ADAMTSL3: variants seen among roughly 807,000 people sequenced by gnomAD.
ADAMTSL3 encodes ADAMTS-like protein 3.
In ADAMTSL3, 128 loss-of-function variants were observed where a neutral mutation model predicts 201.7. That is an observed-to-expected ratio of 0.63 (90% confidence interval 0.55 to 0.73). The LOEUF is 0.73. Ranked by LOEUF, ADAMTSL3 falls within the 30% of genes least tolerant of loss-of-function variation. ADAMTSL3 has a pLI of 0.00. For missense variants in ADAMTSL3, 1,990 were observed against 2,119.6 expected (o/e 0.94, Z 1.20); for synonymous variants, 738 against 748.4 (o/e 0.99, Z 0.23).
intron 2 of ADAMTSL3, among the ~76,000 whole-genome samples, chr15:83,672,426 T>G (rs2061340537): frequency 6.6e-6 from 1 of 152,190 alleles, no homozygotes; most frequent in Non-Finnish European, 1.5e-5. Flanking sequence ...GCAGGGCCTG[T>G]GAAGAGGCTC....
At chr15:83,991,624 T>C (rs2141836448) in intron 23 of ADAMTSL3, among the ~76,000 whole-genome samples, 1 of 152,342 alleles carries the variant, frequency 6.6e-6, no homozygotes, top group East Asian at 1.9e-4. Context: ...AGACAAAAGC[T>C]ACACTTGGCA....
Position 83,982,548 on chromosome 15 carries a change from GC to G in ADAMTSL3, c.2925del (p.Asp976ThrfsTer37), listed in dbSNP as rs2067403223. 6.2e-7 allele frequency: 1 copy of G among 1,614,072 alleles called. No individual in the cohort carries two copies. The highest frequency in any genetic ancestry group is 1.3e-5 in the African/African-American group (1 of 74,922). ...SGSLKIHGLA[A>X]PDIGVYRCIA... is the part of the protein sequence containing the mutation. ...CTCACTAAAAATCCATGGTCTTGCTGCCCCCGACATCGGCGTGTACCGGTGC... is the reference window on the plus strand; with the variant it reads ...CTCACTAAAAATCCATGGTCTTGCTGCCCCGACATCGGCGTGTACCGGTGC... On this transcript the variant is annotated frameshift_variant, in exon 21 of 30. Coordinates refer to ENST00000286744, the MANE Select transcript of ADAMTSL3 (RefSeq NM_207517.3). LOFTEE classifies it high-confidence loss of function.
At chr15:83,749,312 C>T (rs1011202470) in intron 3 of ADAMTSL3, among the ~76,000 whole-genome samples, 12 of 152,070 alleles carry the variant, frequency 7.9e-5, no homozygotes, top group Non-Finnish European at 1.8e-4. Context: ...GAGATGCCTT[C>T]CTGCAACTAA....
chr15:84,001,896 A>G (rs2067797417), intron 23 of ADAMTSL3, among the ~76,000 whole-genome samples: 1 of 152,196 alleles, frequency 6.6e-6, no homozygotes, highest in African/African-American at 2.4e-5. Flanking sequence ...CAGCAGTGGG[A>G]AAGAATGTGG....
At chr15:83,824,285 G>C (rs375935724) in intron 6 of ADAMTSL3, among the ~76,000 whole-genome samples, 1 of 151,896 alleles carries the variant, frequency 6.6e-6, no homozygotes, top group Non-Finnish European at 1.5e-5. Context: ...CAAAATACTG[G>C]CATTACAGGC....
At chr15:83,852,349 A>G (rs1196598964) in intron 7 of ADAMTSL3, among the ~76,000 whole-genome samples, 1 of 151,966 alleles carries the variant, frequency 6.6e-6, no homozygotes, top group Non-Finnish European at 1.5e-5. Context: ...CCTGACCTCA[A>G]GTGATCCACC....
rs774426794 is a variant in ADAMTSL3 at position 83,773,607 on chromosome 15, G to T, written c.274G>T (p.Gly92Trp). 1.2e-5 allele frequency: 20 copies of T among 1,612,586 alleles called. No homozygotes were observed. The highest frequency in any genetic ancestry group is 1.5e-5 in the Non-Finnish European group (18 of 1,179,690). The change falls in exon 4 of 30, where the codon GGG (glycine) becomes TGG (tryptophan). Residue 92 changes from glycine (G) to tryptophan (W), a missense_variant. Gly to Trp is a radical substitution (Grantham distance 184, BLOSUM62 -2). Transcript: ENST00000286744. ...CTGGAGTGACTGCTCCCGGACCTGT[G>T]GGGGAGGAGCATCATATTCTCTGCG... ...GDWSDCSRTCGGGASYSLRRC... is the reference protein window; with the variant it reads ...GDWSDCSRTCWGGASYSLRRC...
At chr15:83,997,432 A>G (rs1411591887) in intron 23 of ADAMTSL3, among the ~76,000 whole-genome samples, 2 of 152,146 alleles carry the variant, frequency 1.3e-5, no homozygotes, top group African/African-American at 4.8e-5. Context: ...TACTAAAAAT[A>G]CAAAAAATTA....
chr15:83,858,849 A>T lies in ADAMTSL3; in HGVS notation c.802+9A>T. 2.5e-6 allele frequency: 4 copies of T among 1,592,258 alleles called. No individual in the cohort carries two copies. The highest frequency in any genetic ancestry group is 2.6e-6 in the Non-Finnish European group (3 of 1,169,474). ...AGGACCTGCCCACCTCTGTAAGTAG[A>T]ATTTAATCTTAACATTTTTTAATAT... On this transcript the variant is annotated intron_variant, in intron 8 of 29. Coordinates refer to ENST00000286744, the MANE Select transcript of ADAMTSL3 (RefSeq NM_207517.3).
chr15:83,922,779 C>G (rs1265882678), intron 16 of ADAMTSL3, among the ~76,000 whole-genome samples: 1 of 152,062 alleles, frequency 6.6e-6, no homozygotes, highest in Non-Finnish European at 1.5e-5. Flanking sequence ...AATACTACAT[C>G]CTGTAAAATA....
chr15:83,976,974 G>C (rs1173451162), intron 20 of ADAMTSL3, among the ~76,000 whole-genome samples: 1 of 152,088 alleles, frequency 6.6e-6, no homozygotes, highest in East Asian at 1.9e-4. Flanking sequence ...CATATAACAT[G>C]TTGAGATCAG....
intron 6 of ADAMTSL3, among the ~76,000 whole-genome samples, chr15:83,835,133 C>G (rs1452958567): frequency 1.3e-5 from 2 of 150,066 alleles, no homozygotes; most frequent in Admixed American, 6.7e-5. Flanking sequence ...ACTCGGGAGG[C>G]TGAGGCAGGA....
At chr15:83,715,052 G>A (rs2061997815) in intron 3 of ADAMTSL3, among the ~76,000 whole-genome samples, 1 of 151,946 alleles carries the variant, frequency 6.6e-6, no homozygotes, top group Non-Finnish European at 1.5e-5. Flanking sequence ...AAGAGAAGGT[G>A]GGTGTGGTCA....
At position 83,822,002 on chromosome 15, in the gene ADAMTSL3, A is replaced by ACC. The variant is rs200042112; in HGVS notation, c.600+1956_600+1957dup. Among the ~76,000 whole-genome samples, 10 of 105,820 alleles carry ACC rather than the reference A, an allele frequency of 9.5e-5. 1 individual carries two copies. The highest frequency in any genetic ancestry group is 2.9e-4 in the African/African-American group (8 of 27,260). The allele number at this position is 105,820 out of a possible 152,430, so 69.4% of individuals were successfully genotyped here. ...GGGCTGCTGGCCGGGCGGGTTGCTG[A>ACC]CCTCCCCCACCTCCCTCCCGGACGG... On this transcript the variant is annotated intron_variant, in intron 6 of 29. Transcript: ENST00000286744.
At chr15:83,929,857 AC>A (rs2066323091) in intron 17 of ADAMTSL3, among the ~76,000 whole-genome samples, 1 of 151,914 alleles carries the variant, frequency 6.6e-6, no homozygotes, top group African/African-American at 2.4e-5. Flanking sequence ...ATGCACCATG[AC>A]CCACACTCCT....
At chr15:83,713,515 CT>C (rs1001075129) in intron 3 of ADAMTSL3, among the ~76,000 whole-genome samples, 70 of 149,464 alleles carry the variant, frequency 4.7e-4, no homozygotes, top group South Asian at 8.5e-4. Context: ...ATGGGAACAT[CT>C]TTTTTTTTTC....
rs147357092 is a variant in ADAMTSL3 at position 83,701,409 on chromosome 15, G to A, written c.70-2980G>A. ...CCAGCCATATTCCCCTAAAGAGGGT[G>A]TCCTTTCTGACCCCCTCAGACTCCA... On this transcript the variant is annotated intron_variant, in intron 2 of 29. Coordinates refer to ENST00000286744, the MANE Select transcript of ADAMTSL3 (RefSeq NM_207517.3). 3.1e-3 allele frequency among the ~76,000 whole-genome samples: 469 copies of A among 152,284 alleles called. 1 individual carries two copies. The highest frequency in any genetic ancestry group is 4.9e-3 in the Non-Finnish European group (331 of 68,014).
intron 13 of ADAMTSL3, among the ~76,000 whole-genome samples, chr15:83,897,235 AC>A (rs2065634238): frequency 6.6e-6 from 1 of 152,242 alleles, no homozygotes; most frequent in Non-Finnish European, 1.5e-5. Context: ...AAAAATGCTG[AC>A]AACACAAACT....
chr15:83,729,861 C>T (rs935878861), intron 3 of ADAMTSL3, among the ~76,000 whole-genome samples: 5 of 151,910 alleles, frequency 3.3e-5, no homozygotes, highest in Admixed American at 1.3e-4. Context: ...TATTTATTGT[C>T]GTCTTCTCAG....
Sources: gnomAD v4.1 joint callset for allele counts (sites outside exome capture counted in the v4.1 genomes callset) on GRCh38, gnomAD v4.1.1 for gene constraint, MANE v1.5 for transcripts, NCBI Gene and HGNC (gene_info 2026-07-23, HGNC 2026-07-21) for gene names.